The following C6orf52 variants were observed in gnomAD, a reference collection of about 807,000 sequenced individuals.
The protein encoded by C6orf52 is putative uncharacterized protein C6orf52.
In C6orf52, 16 loss-of-function variants were observed where a neutral mutation model predicts 16.6. The observed-to-expected ratio is 0.96, with a 90% CI of 0.65 to 1.46. The LOEUF is 1.46. C6orf52 is among the 40% of genes most tolerant of loss of function. The pLI, the probability that C6orf52 is intolerant of heterozygous loss-of-function variation, is 0.00. For missense variants in C6orf52, 166 were observed against 182.3 expected, an observed-to-expected ratio of 0.91 and a Z score of 0.52; for synonymous variants, 53 against 61.4, an observed-to-expected ratio of 0.86 and a Z score of 0.64.
chr6:10,673,525 G>A (rs1728952694), intron 4 of C6orf52, among the ~76,000 whole-genome samples: 1 of 152,176 alleles, frequency 6.6e-6, no homozygotes, highest in Non-Finnish European at 1.5e-5. Flanking sequence ...CAGAATGGTG[G>A]TTGCCAGGGG....
At chr6:10,677,706 G>T (rs1213407758) in intron 4 of C6orf52, among the ~76,000 whole-genome samples, 1 of 151,256 alleles carries the variant, frequency 6.6e-6, no homozygotes, top group African/African-American at 2.4e-5. Flanking sequence ...GCTAATTTTT[G>T]TATTGTTAGT....
At chr6:10,676,692 A>G (rs1767915859) in intron 4 of C6orf52, among the ~76,000 whole-genome samples, 1 of 152,188 alleles carries the variant, frequency 6.6e-6, no homozygotes, top group South Asian at 2.1e-4. Context: ...GGCCCTACAT[A>G]AATCAGACAC....
At chr6:10,687,611 C>T in intron 1 of C6orf52, 50 bp from the exon 2 acceptor site, 2 of 1,172,210 alleles carry the variant, frequency 1.7e-6, no homozygotes, top group Middle Eastern at 1.9e-4. Flanking sequence ...GTCAAAAATC[C>T]AGCTTGTGGG....
At chr6:10,687,267 A>AT in intron 2 of C6orf52, 103 bp from the exon 3 acceptor site, 1 of 895,136 alleles carries the variant, frequency 1.1e-6, no homozygotes, top group Non-Finnish European at 1.7e-6. Flanking sequence ...ACCTATGTTC[A>AT]AAGCCATAGT....
At chr6:10,678,235 A>C (rs975665243) in intron 4 of C6orf52, among the ~76,000 whole-genome samples, 4 of 150,936 alleles carry the variant, frequency 2.7e-5, no homozygotes, top group African/African-American at 9.7e-5. Context: ...GATTCTGTAG[A>C]TCACTTTGGG....
chr6:10,672,129 T>C (rs555871613), intron 4 of C6orf52, among the ~76,000 whole-genome samples: 61 of 152,372 alleles, frequency 4.0e-4, no homozygotes, highest in African/African-American at 1.3e-3. Flanking sequence ...GATGGTATTA[T>C]GTTATTGCGA....
At chr6:10,690,782 T>C (rs1769222281) in intron 1 of C6orf52, among the ~76,000 whole-genome samples, 1 of 152,212 alleles carries the variant, frequency 6.6e-6, no homozygotes, top group African/African-American at 2.4e-5. Context: ...CTCTCAACAT[T>C]GGTTGTTTCT....
chr6:10,677,446 T>G (rs1348755078), intron 4 of C6orf52, among the ~76,000 whole-genome samples: 1 of 151,586 alleles, frequency 6.6e-6, no homozygotes, highest in African/African-American at 2.4e-5. Context: ...GGTAGTGTGA[T>G]GCCTTCACCC....
At chr6:10,694,192 A>G (rs1769627092) in intron 1 of C6orf52, among the ~76,000 whole-genome samples, 1 of 148,952 alleles carries the variant, frequency 6.7e-6, no homozygotes, top group African/African-American at 2.5e-5. Context: ...CCCGGGAGGC[A>G]GAGGTTGCGG....
chr6:10,677,213 C>A (rs907617781), intron 4 of C6orf52, among the ~76,000 whole-genome samples: 1 of 152,190 alleles, frequency 6.6e-6, no homozygotes, highest in African/African-American at 2.4e-5. Flanking sequence ...GATAAACAGT[C>A]TAATTTCATT....
chr6:10,692,998 A>G (rs984560815), intron 1 of C6orf52, among the ~76,000 whole-genome samples: 1 of 152,272 alleles, frequency 6.6e-6, no homozygotes, highest in African/African-American at 2.4e-5. Context: ...GTTAAAGAAT[A>G]AATCATAAAT....
intron 4 of C6orf52, among the ~76,000 whole-genome samples, chr6:10,678,202 A>G (rs2127462750): frequency 6.6e-6 from 1 of 151,490 alleles, no homozygotes; most frequent in African/African-American, 2.4e-5. Context: ...AAAAAAAAAA[A>G]AAAAAGACAG....
chr6:10,683,016 G>A (rs1162403554), intron 4 of C6orf52, among the ~76,000 whole-genome samples, 171 bp downstream of exon 4: 1 of 152,200 alleles, frequency 6.6e-6, no homozygotes, highest in Non-Finnish European at 1.5e-5. Flanking sequence ...AGTTAAAGTT[G>A]TTCCCATAGA....
intron 3 of C6orf52, 115 bp downstream of exon 3, chr6:10,686,851 A>G (rs1768904407): frequency 1.3e-6 from 1 of 767,114 alleles, no homozygotes; most frequent in South Asian, 2.0e-5. Flanking sequence ...ACAGGTAGCA[A>G]AAGCCATGTC....
At chr6:10,692,359 A>C (rs1769395759) in intron 1 of C6orf52, among the ~76,000 whole-genome samples, 1 of 152,110 alleles carries the variant, frequency 6.6e-6, no homozygotes, top group African/African-American at 2.4e-5. Flanking sequence ...GGAAACTTAC[A>C]CATTACAAAA....
At chr6:10,682,547 G>C (rs1768491279) in intron 4 of C6orf52, among the ~76,000 whole-genome samples, 1 of 152,126 alleles carries the variant, frequency 6.6e-6, no homozygotes, top group South Asian at 2.1e-4. Context: ...GTCTGGTAGG[G>C]GCAGGGGTTT....
intron 4 of C6orf52, among the ~76,000 whole-genome samples, chr6:10,680,618 A>C (rs1310435714): frequency 6.6e-6 from 1 of 152,146 alleles, no homozygotes; most frequent in Non-Finnish European, 1.5e-5. Flanking sequence ...GGGGCTGGGC[A>C]TGGTGACTCA....
At chr6:10,678,506 A>G (rs1022340863) in intron 4 of C6orf52, among the ~76,000 whole-genome samples, 2 of 152,236 alleles carry the variant, frequency 1.3e-5, no homozygotes, top group South Asian at 4.1e-4. Flanking sequence ...TATTAGACCT[A>G]ACAGTTTTTT....
At chr6:10,687,220 C>T (rs1768932418) in intron 2 of C6orf52, 56 bp from the exon 3 acceptor site, 9 of 1,298,916 alleles carry the variant, frequency 6.9e-6, no homozygotes, top group Non-Finnish European at 9.6e-6. Context: ...ACCCCCAAAC[C>T]CTTTCTTCTT....
Sources: gnomAD v4.1 joint callset for allele counts (sites outside exome capture counted in the v4.1 genomes callset) on GRCh38, gnomAD v4.1.1 for gene constraint, MANE v1.5 for transcripts, NCBI Gene and HGNC (gene_info 2026-07-23, HGNC 2026-07-21) for gene names.